Variants in CPPED1 observed in about 807,000 individuals in gnomAD.
CPPED1 encodes the protein calcineurin like phosphoesterase domain containing 1.
Under a neutral mutation model 28.0 loss-of-function variants are expected in CPPED1, and 28 were observed. That is an observed-to-expected ratio of 1.00 (90% CI 0.74 to 1.37). The LOEUF (loss-of-function observed/expected upper bound fraction) is 1.37, where lower values mean the gene tolerates loss of function less well. Among genes scored for constraint, CPPED1 ranks in the 40% most tolerant of loss-of-function variants. The pLI is 0.00. For missense variants in CPPED1, 504 were observed against 416.5 expected (o/e 1.21, Z -1.83); for synonymous variants, 198 against 180.2 (o/e 1.10, Z -0.79).
At chr16:12,665,602 G>A (rs1053593423) in intron 3 of CPPED1, among the ~76,000 whole-genome samples, 3 of 151,782 alleles carry the variant, frequency 2.0e-5, no homozygotes, top group African/African-American at 7.3e-5. Flanking sequence ...GACCAGCCTG[G>A]CCAACATGAT....
intron 3 of CPPED1, among the ~76,000 whole-genome samples, chr16:12,702,390 T>C (rs1274222347): frequency 6.6e-6 from 1 of 152,012 alleles, no homozygotes; most frequent in South Asian, 2.1e-4. Context: ...TTAAAAAAAT[T>C]AGCTGGGCAT....
chr16:12,680,756 G>A (rs987961089), intron 3 of CPPED1, among the ~76,000 whole-genome samples: 1 of 152,140 alleles, frequency 6.6e-6, no homozygotes, highest in African/African-American at 2.4e-5. Context: ...TGGGCTGTAG[G>A]GGCAATATCT....
rs577680306 is a variant in CPPED1 at position 12,715,247 on chromosome 16, C to G, written c.290-10198G>C. On this transcript the variant is annotated intron_variant, in intron 2 of 3. Transcript: ENST00000381774. ...TGTGAGTCTTCCAACTTTATTCTTC[C>G]TTTTCAAGGTTGTTTTCGCTATTCT... Among the ~76,000 whole-genome samples, 7 of 152,262 alleles carry G rather than the reference C, an allele frequency of 4.6e-5. No homozygotes were observed. The East Asian group carries it at 9.6e-4, about 21-fold the overall frequency.
intron 3 of CPPED1, among the ~76,000 whole-genome samples, chr16:12,698,008 G>T (rs936783118): frequency 8.5e-5 from 13 of 152,084 alleles, no homozygotes; most frequent in Admixed American, 1.3e-4. Flanking sequence ...TACTTGGGAG[G>T]CTGAGTCAGG....
At chr16:12,746,786 G>C (rs1196114102) in intron 2 of CPPED1, among the ~76,000 whole-genome samples, 1 of 152,122 alleles carries the variant, frequency 6.6e-6, no homozygotes, top group South Asian at 2.1e-4. Flanking sequence ...TTGTTATCAG[G>C]GTCTTATGTA....
At chr16:12,691,973 A>G (rs2079965970) in intron 3 of CPPED1, among the ~76,000 whole-genome samples, 1 of 146,086 alleles carries the variant, frequency 6.8e-6, no homozygotes, top group Admixed American at 6.7e-5. Context: ...TACAAAATAA[A>G]AAAAAAACAA....
chr16:12,669,596 T>A (rs894128288), intron 3 of CPPED1, among the ~76,000 whole-genome samples: 2 of 152,212 alleles, frequency 1.3e-5, no homozygotes, highest in African/African-American at 4.8e-5. Context: ...CATGTTTAGC[T>A]TAATATTGCT....
chr16:12,781,628 G>A (rs1035615990), intron 1 of CPPED1, among the ~76,000 whole-genome samples: 3 of 152,110 alleles, frequency 2.0e-5, no homozygotes, highest in Non-Finnish European at 4.4e-5. Flanking sequence ...AACTGTCCAC[G>A]TGGGCTTCTG....
intron 2 of CPPED1, 186 bp downstream of exon 2, chr16:12,780,999 C>T: frequency 3.3e-6 from 2 of 598,228 alleles, no homozygotes; most frequent in East Asian, 2.8e-5. Flanking sequence ...TTAATCTCGC[C>T]AAACTCTAAA....
At chr16:12,711,772 C>G (rs2080081304) in intron 2 of CPPED1, among the ~76,000 whole-genome samples, 1 of 152,154 alleles carries the variant, frequency 6.6e-6, no homozygotes, top group South Asian at 2.1e-4. Flanking sequence ...GGGGATGTTG[C>G]CCTCTGAGCC....
At chr16:12,767,076 T>C (rs910982890) in intron 2 of CPPED1, among the ~76,000 whole-genome samples, 1 of 151,958 alleles carries the variant, frequency 6.6e-6, no homozygotes, top group Non-Finnish European at 1.5e-5. Flanking sequence ...CACAGATATG[T>C]AAGAGGAGGC....
At chr16:12,730,930 G>T (rs1245823104) in intron 2 of CPPED1, among the ~76,000 whole-genome samples, 1 of 152,094 alleles carries the variant, frequency 6.6e-6, no homozygotes, top group African/African-American at 2.4e-5. Context: ...AGCTATCCTT[G>T]GGTATAGGAA....
intron 2 of CPPED1, among the ~76,000 whole-genome samples, chr16:12,780,606 G>A (rs2080524436): frequency 6.6e-6 from 1 of 152,012 alleles, no homozygotes; most frequent in South Asian, 2.1e-4. Context: ...GGTCAACCCA[G>A]AGAAAGGCAG....
At chr16:12,737,185 G>A (rs1171546067) in intron 2 of CPPED1, among the ~76,000 whole-genome samples, 1 of 151,930 alleles carries the variant, frequency 6.6e-6, no homozygotes, top group African/African-American at 2.4e-5. Flanking sequence ...GTGAGACCAT[G>A]TCTCAAAAAA....
intron 1 of CPPED1, among the ~76,000 whole-genome samples, chr16:12,799,243 GTTTTT>G (rs200948126): frequency 3.0e-5 from 4 of 135,216 alleles, no homozygotes; most frequent in African/African-American, 7.9e-5. Flanking sequence ...GGAAAAGTCA[GTTTTT>G]TTTTTTTTTT....
At chr16:12,719,213 A>G (rs1484660679) in intron 2 of CPPED1, among the ~76,000 whole-genome samples, 1 of 152,068 alleles carries the variant, frequency 6.6e-6, no homozygotes, top group African/African-American at 2.4e-5. Context: ...AACACGGTGA[A>G]ACCCCGACTC....
At chr16:12,689,205 A>G (rs916033977) in intron 3 of CPPED1, among the ~76,000 whole-genome samples, 1 of 141,860 alleles carries the variant, frequency 7.0e-6, no homozygotes, top group Non-Finnish European at 1.5e-5. Flanking sequence ...GATCAGCTAT[A>G]TGAAAAGAGG....
At chr16:12,726,809 AAAAT>A (rs368789005) in intron 2 of CPPED1, among the ~76,000 whole-genome samples, 1 of 151,984 alleles carries the variant, frequency 6.6e-6, no homozygotes, top group East Asian at 1.9e-4. Flanking sequence ...ACCCTGTCTC[AAAAT>A]AAATAAATAA....
intron 2 of CPPED1, among the ~76,000 whole-genome samples, chr16:12,754,440 AATACACTCAGG>A (rs2141221173): frequency 6.6e-6 from 1 of 152,286 alleles, no homozygotes; most frequent in South Asian, 2.1e-4. Context: ...AGTCACATTT[AATACACTCAGG>A]GAAGGGGGGC....
Sources: gnomAD v4.1 joint callset for allele counts (sites outside exome capture counted in the v4.1 genomes callset) on GRCh38, gnomAD v4.1.1 for gene constraint, MANE v1.5 for transcripts, NCBI Gene and HGNC (gene_info 2026-07-23, HGNC 2026-07-21) for gene names.